TCF12: variants seen among roughly 807,000 people sequenced by gnomAD.
TCF12 encodes the protein DNA-binding protein HTF4.
TCF12 carries 45 observed loss-of-function variants against 86.0 expected under a neutral mutation model. The observed-to-expected ratio is 0.52, with a 90% CI of 0.41 to 0.67. The LOEUF is 0.67. TCF12 is among the 30% of genes least tolerant of loss of function. TCF12 has a pLI of 0.00. For missense variants in TCF12, 881 were observed against 859.9 expected, an observed-to-expected ratio of 1.02 and a Z score of -0.31; for synonymous variants, 330 against 299.6, an observed-to-expected ratio of 1.10 and a Z score of -1.05.
intron 3 of TCF12, among the ~76,000 whole-genome samples, chr15:57,022,172 CTCA>C (rs1393553466): frequency 1.1e-4 from 17 of 152,078 alleles, no homozygotes; most frequent in African/African-American, 4.1e-4. Flanking sequence ...CACCCCTCAA[CTCA>C]TCATTTATAT....
chr15:57,242,713 T>G (rs1441270600), intron 12 of TCF12, among the ~76,000 whole-genome samples: 1 of 152,206 alleles, frequency 6.6e-6, no homozygotes, highest in African/African-American at 2.4e-5. Context: ...AATTAATCTC[T>G]GTCACCATTT....
chr15:57,092,185 G>T (rs1462120137), intron 5 of TCF12, among the ~76,000 whole-genome samples: 1 of 152,168 alleles, frequency 6.6e-6, no homozygotes, highest in African/African-American at 2.4e-5. Flanking sequence ...CTGGGGCAGA[G>T]AAGTATTGTT....
intron 3 of TCF12, among the ~76,000 whole-genome samples, chr15:56,963,498 C>T (rs1449706734): frequency 6.6e-6 from 1 of 152,076 alleles, no homozygotes; most frequent in African/African-American, 2.4e-5. Context: ...TGGGGACATT[C>T]TTAACTAAAG....
intron 3 of TCF12, among the ~76,000 whole-genome samples, chr15:57,061,762 A>T (rs536647657): frequency 2.6e-5 from 4 of 152,304 alleles, no homozygotes; most frequent in South Asian, 2.1e-4. Context: ...AATAAAAGTG[A>T]TTTTTTAAAA....
intron 3 of TCF12, among the ~76,000 whole-genome samples, chr15:56,959,778 C>T (rs546562169): frequency 3.5e-4 from 53 of 152,008 alleles, no homozygotes; most frequent in African/African-American, 1.2e-3. Flanking sequence ...TTGTTATTTA[C>T]AAATAAAAAT....
chr15:57,250,487 GT>G (rs1347216345), intron 13 of TCF12, among the ~76,000 whole-genome samples: 2 of 152,182 alleles, frequency 1.3e-5, no homozygotes, highest in African/African-American at 4.8e-5. Context: ...CCACCACTTT[GT>G]GAGGCTGAGG....
chr15:57,152,492 G>A (rs1484132485), intron 5 of TCF12, among the ~76,000 whole-genome samples: 6 of 151,948 alleles, frequency 3.9e-5, no homozygotes, highest in Non-Finnish European at 8.8e-5. Context: ...GAATTAATGG[G>A]GAATTTAGCT....
intron 6 of TCF12, among the ~76,000 whole-genome samples, chr15:57,170,690 ATATATAT>A (rs1567558319): frequency 1.2e-3 from 4 of 3,356 alleles, no homozygotes; most frequent in East Asian, 0.01. Context: ...ATTATATATA[ATATATAT>A]TATATATAAT....
intron 8 of TCF12, among the ~76,000 whole-genome samples, chr15:57,225,125 G>T (rs937085670): frequency 6.8e-6 from 1 of 147,406 alleles, no homozygotes; most frequent in Non-Finnish European, 1.5e-5. Flanking sequence ...TTGGGATTAC[G>T]TTGTTTAAAT....
At chr15:57,009,620 G>A (rs2064698436) in intron 3 of TCF12, among the ~76,000 whole-genome samples, 1 of 152,142 alleles carries the variant, frequency 6.6e-6, no homozygotes, top group African/African-American at 2.4e-5. Context: ...TTAAATTGAT[G>A]CTCTTACCTT....
At chr15:57,228,182 G>GGCACAAGATGT (rs1417363514) in intron 8 of TCF12, among the ~76,000 whole-genome samples, 1 of 152,052 alleles carries the variant, frequency 6.6e-6, no homozygotes, top group Non-Finnish European at 1.5e-5. Context: ...CATCAGTTGT[G>GGCACAAGATGT]CTTTGCCGCA....
intron 3 of TCF12, among the ~76,000 whole-genome samples, chr15:56,986,692 A>G (rs1456772537): frequency 6.6e-6 from 1 of 152,190 alleles, no homozygotes; most frequent in Non-Finnish European, 1.5e-5. Context: ...ATATCCTTAT[A>G]TACACAGTAT....
chr15:56,955,989 C>T (rs1486097117), intron 3 of TCF12, among the ~76,000 whole-genome samples: 2 of 151,904 alleles, frequency 1.3e-5, no homozygotes, highest in African/African-American at 2.4e-5. Flanking sequence ...ATAAAATGAC[C>T]CCTTTTTTTC....
At chr15:57,185,270 A>G (rs555380767) in intron 6 of TCF12, among the ~76,000 whole-genome samples, 49 of 152,336 alleles carry the variant, frequency 3.2e-4, no homozygotes, top group Admixed American at 1.1e-3. Context: ...CTGGTTTAGT[A>G]CATTGTTTGC....
At chr15:57,047,624 T>A (rs1293068838) in intron 3 of TCF12, among the ~76,000 whole-genome samples, 12 of 152,300 alleles carry the variant, frequency 7.9e-5, no homozygotes, top group African/African-American at 2.4e-4. Context: ...TCACCCTTCT[T>A]CTCTATTTGG....
intron 3 of TCF12, among the ~76,000 whole-genome samples, chr15:56,958,861 A>G (rs1019573710): frequency 6.6e-6 from 1 of 152,146 alleles, no homozygotes; most frequent in Non-Finnish European, 1.5e-5. Flanking sequence ...TCTCTACCAA[A>G]TAAATAAATA....
chr15:57,046,939 C>G (rs374886160), intron 3 of TCF12, among the ~76,000 whole-genome samples: 1 of 152,188 alleles, frequency 6.6e-6, no homozygotes, highest in Non-Finnish European at 1.5e-5. Flanking sequence ...ATCTTTTCCC[C>G]AATCTTGTTG....
At chr15:57,208,380 CTTTTTTTT>C (rs1184422578) in intron 8 of TCF12, among the ~76,000 whole-genome samples, 1,021 of 65,624 alleles carry the variant, frequency 0.016, 69 homozygotes, top group African/African-American at 0.066. Flanking sequence ...CAAAAATATC[CTTTTTTTT>C]TTTTTTTTTT....
intron 6 of TCF12, among the ~76,000 whole-genome samples, chr15:57,175,501 G>C (rs2151609645): frequency 6.6e-6 from 1 of 152,258 alleles, no homozygotes; most frequent in Non-Finnish European, 1.5e-5. Flanking sequence ...TCAAGAACAA[G>C]ATCATTTCCA....
Sources: gnomAD v4.1 joint callset for allele counts (sites outside exome capture counted in the v4.1 genomes callset) on GRCh38, gnomAD v4.1.1 for gene constraint, MANE v1.5 for transcripts, NCBI Gene and HGNC (gene_info 2026-07-23, HGNC 2026-07-21) for gene names.